The following SLIT2 variants were observed in gnomAD, a reference collection of about 807,000 sequenced individuals.
SLIT2 encodes slit homolog 2 protein.
Under a neutral mutation model 185.7 loss-of-function variants are expected in SLIT2, and 41 were observed. That is an observed-to-expected ratio of 0.22 (90% CI 0.17 to 0.29). The LOEUF (loss-of-function observed/expected upper bound fraction) is 0.29. Ranked by LOEUF, SLIT2 falls within the 10% of genes least tolerant of loss-of-function variation. The pLI, the probability that SLIT2 is intolerant of heterozygous loss-of-function variation, is 1.00. For missense variants in SLIT2, 1,571 were observed against 1,909.0 expected (o/e 0.82, Z 3.30); for synonymous variants, 693 against 680.2 (o/e 1.02, Z -0.29).
chr4:20,372,549 T>A (rs1376135237), intron 4 of SLIT2, among the ~76,000 whole-genome samples: 1 of 152,116 alleles, frequency 6.6e-6, no homozygotes, highest in Non-Finnish European at 1.5e-5. Context: ...CTTTATAATT[T>A]ATATCTTTAA....
intron 29 of SLIT2, chr4:20,573,158 G>T (rs145088018): frequency 1.1e-5 from 8 of 702,288 alleles, no homozygotes; most frequent in Non-Finnish European, 1.8e-5. Context: ...TGAACGCTGC[G>T]CATTGGCTTC....
At chr4:20,547,132 A>G (rs1723317301) in intron 22 of SLIT2, among the ~76,000 whole-genome samples, 1 of 152,136 alleles carries the variant, frequency 6.6e-6, no homozygotes, top group Non-Finnish European at 1.5e-5. Context: ...CACTTTATAG[A>G]AAGTAAATAG....
intron 4 of SLIT2, among the ~76,000 whole-genome samples, chr4:20,448,382 C>T (rs1712063414): frequency 1.3e-5 from 2 of 152,052 alleles, no homozygotes; most frequent in East Asian, 1.9e-4. Context: ...AGGGCAGCAG[C>T]GCGATCTTGG....
chr4:20,415,324 T>C (rs981154222), intron 4 of SLIT2, among the ~76,000 whole-genome samples: 1 of 148,322 alleles, frequency 6.7e-6, no homozygotes, highest in Non-Finnish European at 1.5e-5. Flanking sequence ...GGCAGGAGAA[T>C]TGTGTGAAGC....
intron 4 of SLIT2, among the ~76,000 whole-genome samples, chr4:20,449,761 T>G (rs892004550): frequency 2.0e-5 from 3 of 152,160 alleles, no homozygotes; most frequent in African/African-American, 7.2e-5. Flanking sequence ...ATCAACAGTA[T>G]AAGTATTAAC....
Position 20,251,930 on chromosome 4 carries a change from G to A in SLIT2, c.-1886G>A, listed in dbSNP as rs889909650. On this transcript the variant is annotated 5_prime_UTR_variant, in exon 1 of 37. Coordinates refer to ENST00000504154, the MANE Select transcript of SLIT2 (RefSeq NM_004787.4). ...ACTTGGTGTTATTTATTTGGGAAGC[G>A]CCCGGACGGCGGAGCTTGGCGGCGG... 4.6e-5 allele frequency among the ~76,000 whole-genome samples: 7 copies of A among 152,134 alleles called. No individual in the cohort carries two copies. The highest frequency in any genetic ancestry group is 7.4e-5 in the Non-Finnish European group (5 of 68,018).
At chr4:20,347,508 G>C (rs7692874) in intron 4 of SLIT2, among the ~76,000 whole-genome samples, 6 of 152,114 alleles carry the variant, frequency 3.9e-5, no homozygotes, top group Non-Finnish European at 5.9e-5. Context: ...GGCACTGGGT[G>C]ACAGGCATCA....
chr4:20,467,346 C>A (rs1389619122), intron 4 of SLIT2, among the ~76,000 whole-genome samples: 2 of 152,044 alleles, frequency 1.3e-5, no homozygotes, highest in Non-Finnish European at 2.9e-5. Flanking sequence ...GGATGCTTTC[C>A]TATATACTTT....
chr4:20,539,863 A>G lies in SLIT2; in HGVS notation c.1976+279A>G, dbSNP rs1347994076. Among the ~76,000 whole-genome samples the G allele has an allele frequency of 3.9e-5, 6 of 152,316 alleles. No individual in the cohort carries two copies. In the East Asian group the frequency reaches 5.8e-4, roughly 15 times the overall value. ...CTTAATTCCAAATTTTAGAATTATT[A>G]TAACTTGATAGTGCTGCATATAAAA... On this transcript the variant is annotated intron_variant, in intron 19 of 36. Transcript: ENST00000504154.
intron 4 of SLIT2, among the ~76,000 whole-genome samples, chr4:20,449,307 T>A (rs575351160): frequency 6.6e-6 from 1 of 152,342 alleles, no homozygotes; most frequent in East Asian, 1.9e-4. Flanking sequence ...AATTATTGAA[T>A]GTTTTAATTG....
chr4:20,325,678 T>G (rs749663554), intron 4 of SLIT2, among the ~76,000 whole-genome samples: 5 of 152,142 alleles, frequency 3.3e-5, no homozygotes, highest in Admixed American at 6.6e-5. Flanking sequence ...CAAAGTTTGT[T>G]TTCAGAAACA....
chr4:20,421,733 A>G (rs769561133), intron 4 of SLIT2, among the ~76,000 whole-genome samples: 2 of 152,184 alleles, frequency 1.3e-5, no homozygotes, highest in Non-Finnish European at 2.9e-5. Flanking sequence ...AAGTCTTGCA[A>G]TTCACTAACA....
At position 20,598,374 on chromosome 4, in the gene SLIT2, A is replaced by C; in HGVS notation, c.3671A>C (p.His1224Pro). 2 of 1,614,156 alleles carry C rather than the reference A, an allele frequency of 1.2e-6. No homozygotes were observed. Among genetic ancestry groups the C allele is most frequent in the Non-Finnish European group, 1.7e-6 (2 of 1,179,990 alleles). Residue 1224 changes from histidine (H) to proline (P), a missense_variant, in exon 33 of 37, where the codon CAT becomes CCT. This residue lies in a region of SLIT2 where 146 missense variants were observed against 247.4 expected (regional missense o/e 0.59). Coordinates refer to ENST00000504154, the MANE Select transcript of SLIT2 (RefSeq NM_004787.4). ...RVRASYDTGSHPASAIYSVET... is the reference protein window; with the variant it reads ...RVRASYDTGSPPASAIYSVET... ...CGTGCCAGCTATGACACCGGCTCTC[A>C]TCCAGCTTCTGCCATTTACAGGTGA...
chr4:20,352,351 A>G (rs1006888775), intron 4 of SLIT2, among the ~76,000 whole-genome samples: 1 of 151,918 alleles, frequency 6.6e-6, no homozygotes, highest in Non-Finnish European at 1.5e-5. Flanking sequence ...TCATGTTTTA[A>G]CTGATATTTT....
intron 9 of SLIT2, among the ~76,000 whole-genome samples, chr4:20,508,915 A>G (rs188879239): frequency 8.2e-4 from 125 of 152,182 alleles, no homozygotes; most frequent in African/African-American, 2.9e-3. Context: ...CCGTAGCACC[A>G]TGAGAAGGGC....
At chr4:20,449,494 C>T (rs774362203) in intron 4 of SLIT2, among the ~76,000 whole-genome samples, 6 of 152,032 alleles carry the variant, frequency 3.9e-5, no homozygotes, top group Non-Finnish European at 8.8e-5. Context: ...CTGCAACCTC[C>T]GCCTCCCAGG....
intron 4 of SLIT2, among the ~76,000 whole-genome samples, chr4:20,433,955 C>T (rs1729162564): frequency 6.6e-6 from 1 of 152,132 alleles, no homozygotes; most frequent in Non-Finnish European, 1.5e-5. Flanking sequence ...TAAAGCTTCA[C>T]TTAGTGAAGA....
intron 4 of SLIT2, among the ~76,000 whole-genome samples, chr4:20,304,979 C>G (rs2109116371): frequency 6.6e-6 from 1 of 152,252 alleles, no homozygotes; most frequent in African/African-American, 2.4e-5. Context: ...TATCTTAGCT[C>G]AAAGTACAAG....
chr4:20,561,494 T>C (rs923390831), intron 26 of SLIT2, among the ~76,000 whole-genome samples: 1 of 151,776 alleles, frequency 6.6e-6, no homozygotes, highest in Non-Finnish European at 1.5e-5. Flanking sequence ...CGTTAGTCGT[T>C]GAATTAAGCA....
Sources: allele counts gnomAD v4.1 joint callset (sites outside exome capture counted in the v4.1 genomes callset), GRCh38; gene constraint gnomAD v4.1.1; regional missense constraint gnomAD v4.1.1; transcripts MANE v1.5; gene names NCBI Gene and HGNC (gene_info 2026-07-23, HGNC 2026-07-21).